Variants in AATF observed in about 807,000 individuals in gnomAD.
AATF encodes apoptosis antagonizing transcription factor.
A neutral mutation model predicts 63.7 loss-of-function variants in AATF; 48 were observed. That is an observed-to-expected ratio of 0.75 (90% CI 0.60 to 0.96). AATF has a LOEUF of 0.96. Ranked by LOEUF, AATF falls within the 40% of genes least tolerant of loss-of-function variation. The probability of loss-of-function intolerance (pLI) is 0.00; values close to 1 mark genes in which losing one functional copy is unlikely to be tolerated. For synonymous variants in AATF, 258 were observed against 247.7 expected (o/e 1.04, Z -0.39); for missense variants, 639 against 685.7 (o/e 0.93, Z 0.76).
At chr17:37,001,935 C>T (rs1240742373) in intron 8 of AATF, among the ~76,000 whole-genome samples, 4 of 152,140 alleles carry the variant, frequency 2.6e-5, no homozygotes, top group African/African-American at 7.2e-5. Flanking sequence ...GGCACGGTGG[C>T]TCACGTCTGT....
chr17:37,023,570 T>G (rs937485012), intron 10 of AATF, among the ~76,000 whole-genome samples: 40 of 138,050 alleles, frequency 2.9e-4, no homozygotes, highest in Non-Finnish European at 5.1e-4. Context: ...AAACAGAGTT[T>G]AAAAAGAGGC....
At chr17:36,990,702 T>C in intron 7 of AATF, 72 bp from the exon 8 acceptor site, 1 of 908,984 alleles carries the variant, frequency 1.1e-6, no homozygotes. Flanking sequence ...GTTCTACATA[T>C]TATTTATAGT....
chr17:36,998,641 T>G (rs2142260522), intron 8 of AATF: 1 of 152,342 alleles, frequency 6.6e-6, no homozygotes, highest in Non-Finnish European at 1.5e-5. Flanking sequence ...TGGTCCCAGC[T>G]CTTTGGGAGG....
rs1261216815 is a variant in AATF, at chr17:37,019,083, T to C, written c.1466+11T>C. 4 of 1,612,878 alleles carry C rather than the reference T, an allele frequency of 2.5e-6. No individual in the cohort carries two copies. The Admixed American group carries it at 6.7e-5, about 27-fold the overall frequency. On this transcript the variant is annotated intron_variant, in intron 9 of 11. Transcript: ENST00000619387. The stretch of plus-strand genomic sequence containing the variant: ...GGTGGCCATGGGAAGGTAATTTAGA[T>C]ACAGCTTTCTGTTCATGCAAGCAGC...
At chr17:37,011,444 G>T (rs1392890525) in intron 8 of AATF, among the ~76,000 whole-genome samples, 1 of 152,154 alleles carries the variant, frequency 6.6e-6, no homozygotes, top group Non-Finnish European at 1.5e-5. Flanking sequence ...CAGCGGAGAT[G>T]GAGAAAAGTG....
intron 8 of AATF, among the ~76,000 whole-genome samples, chr17:36,994,694 C>G (rs1380698448): frequency 6.6e-6 from 1 of 152,202 alleles, no homozygotes; most frequent in African/African-American, 2.4e-5. Flanking sequence ...ATGTCATGAT[C>G]CTATCTGCTA....
At chr17:37,009,819 G>A (rs1364299227) in intron 8 of AATF, among the ~76,000 whole-genome samples, 4 of 66,136 alleles carry the variant, frequency 6.0e-5, no homozygotes, top group Admixed American at 2.0e-4. Flanking sequence ...GCGAGACTCC[G>A]TCTCAAAAAA....
chr17:36,957,700 T>C (rs1297428781), intron 4 of AATF, among the ~76,000 whole-genome samples: 1 of 152,190 alleles, frequency 6.6e-6, no homozygotes, highest in East Asian at 1.9e-4. Context: ...TCTGATCTCT[T>C]CTCTGGTTCC....
intron 4 of AATF, among the ~76,000 whole-genome samples, chr17:36,965,771 G>A (rs1239025989): frequency 6.6e-6 from 1 of 152,004 alleles, no homozygotes; most frequent in Non-Finnish European, 1.5e-5. Context: ...GTGCAATCAT[G>A]GCTCACTGCA....
intron 8 of AATF, among the ~76,000 whole-genome samples, chr17:37,005,566 C>T (rs147615541): frequency 1.3e-5 from 2 of 152,294 alleles, no homozygotes; most frequent in African/African-American, 4.8e-5. Context: ...ACTTGTGAAT[C>T]GTTCTCTAGT....
intron 4 of AATF, among the ~76,000 whole-genome samples, chr17:36,961,712 C>T (rs1043136110): frequency 2.0e-5 from 3 of 151,194 alleles, no homozygotes; most frequent in Non-Finnish European, 4.4e-5. Flanking sequence ...TCACTCTTGT[C>T]GCCCAGGCTG....
At chr17:36,952,844 G>A in intron 2 of AATF, 42 bp from the exon 3 acceptor site, 2 of 1,591,980 alleles carry the variant, frequency 1.3e-6, no homozygotes, top group East Asian at 2.2e-5. Context: ...ATTTTCTCCA[G>A]GTAATACCCA....
rs1026241909 is a variant in AATF at position 37,031,237 on chromosome 17, A to G, written c.1548-377A>G. 14 of 208,342 alleles carry G rather than the reference A, an allele frequency of 6.7e-5. No individual in the cohort carries two copies. The Admixed American group carries it at 7.2e-4, about 11-fold the overall frequency. The allele number at this position is 208,342 out of a possible 1,614,324, so 12.9% of individuals were successfully genotyped here. On this transcript the variant is annotated intron_variant, in intron 10 of 11. Coordinates refer to ENST00000619387, the MANE Select transcript of AATF (RefSeq NM_012138.4). ...CTTTTTTCTCGTCATTATTCCCTGA[A>G]CAATACATTGTACAACTATTTACGT...
chr17:37,041,842 T>C (rs1959480198), intron 11 of AATF, among the ~76,000 whole-genome samples: 2 of 152,222 alleles, frequency 1.3e-5, no homozygotes, highest in South Asian at 4.1e-4. Flanking sequence ...CCTATTTAGA[T>C]ATAAAAGTTA....
intron 11 of AATF, chr17:37,033,796 G>C (rs1405507531): frequency 6.5e-6 from 1 of 154,608 alleles, no homozygotes; most frequent in East Asian, 1.9e-4. Flanking sequence ...CAAGATGGCT[G>C]TTGCAACTTA....
intron 5 of AATF, 55 bp downstream of exon 5, chr17:36,986,786 C>A: frequency 7.0e-7 from 1 of 1,438,128 alleles, no homozygotes; most frequent in Non-Finnish European, 9.7e-7. Flanking sequence ...GATAGTTTCC[C>A]ATCATTTATG....
intron 1 of AATF, 34 bp from the exon 2 acceptor site, chr17:36,950,180 G>C (rs1434434865): frequency 6.2e-7 from 1 of 1,602,668 alleles, no homozygotes; most frequent in African/African-American, 1.3e-5. Context: ...TGCTAACCTG[G>C]AGATTCTGTT....
rs757767089 is a variant in AATF at position 37,056,631 on chromosome 17, G to A, written c.1650G>A (p.Gln550=). The A allele has an allele frequency of 1.2e-6, 2 of 1,614,168 alleles. No homozygotes were observed. Among genetic ancestry groups the A allele is most frequent in the Middle Eastern group, 1.6e-4 (1 of 6,062 alleles). Residue 550 remains glutamine, a synonymous_variant, in exon 12 of 12, where the codon CAG becomes CAA. Transcript: ENST00000619387. ...RTELYRSLFG[Q]LHPPDEGHGD ...AACTGTACCGCTCTCTTTTTGGCCAGCTCCACCCTCCCGACGAAGGCCACG... is the reference window on the plus strand; with the variant it reads ...AACTGTACCGCTCTCTTTTTGGCCAACTCCACCCTCCCGACGAAGGCCACG...
intron 8 of AATF, among the ~76,000 whole-genome samples, chr17:37,012,044 ACTT>A (rs1289166437): frequency 6.6e-6 from 1 of 151,180 alleles, no homozygotes; most frequent in East Asian, 1.9e-4. Flanking sequence ...ATTGCAAGAG[ACTT>A]CTTTTGGGGA....
Sources: gnomAD v4.1 joint callset for allele counts (sites outside exome capture counted in the v4.1 genomes callset) on GRCh38, gnomAD v4.1.1 for gene constraint, MANE v1.5 for transcripts, NCBI Gene and HGNC (gene_info 2026-07-23, HGNC 2026-07-21) for gene names.